TACR1: variants seen among roughly 807,000 people sequenced by gnomAD.
TACR1 encodes substance-P receptor.
In TACR1, 25 loss-of-function variants were observed where a neutral mutation model predicts 35.8. The observed-to-expected ratio is 0.70, with a 90% CI of 0.51 to 0.98. The LOEUF is 0.98. TACR1 is among the 50% of genes least tolerant of loss of function. The pLI is 0.00. For synonymous variants in TACR1, 195 were observed against 206.7 expected (o/e 0.94, Z 0.48); for missense variants, 478 against 522.9 (o/e 0.91, Z 0.84).
At chr2:75,052,558 A>G (rs1391181844) in intron 3 of TACR1, among the ~76,000 whole-genome samples, 4 of 149,938 alleles carry the variant, frequency 2.7e-5, no homozygotes, top group African/African-American at 2.4e-5. Context: ...AGTACCAAAG[A>G]AAAAAAAAAG....
intron 1 of TACR1, among the ~76,000 whole-genome samples, chr2:75,143,247 A>G (rs1450317756): frequency 1.3e-5 from 2 of 152,214 alleles, no homozygotes; most frequent in Non-Finnish European, 2.9e-5. Context: ...TGATACTGCT[A>G]ACAAGTTTGA....
At chr2:75,130,819 A>C (rs1674163558) in intron 1 of TACR1, among the ~76,000 whole-genome samples, 1 of 152,254 alleles carries the variant, frequency 6.6e-6, no homozygotes, top group Non-Finnish European at 1.5e-5. Context: ...AAAGACAATT[A>C]TTTAACCTAT....
intron 1 of TACR1, among the ~76,000 whole-genome samples, chr2:75,161,685 G>C (rs927957666): frequency 6.6e-6 from 1 of 152,032 alleles, no homozygotes; most frequent in East Asian, 1.9e-4. Context: ...ACCTAAAATA[G>C]AAGCAGAAGT....
At chr2:75,071,847 A>G (rs1314137672) in intron 2 of TACR1, among the ~76,000 whole-genome samples, 2 of 152,262 alleles carry the variant, frequency 1.3e-5, no homozygotes, top group Admixed American at 6.5e-5. Context: ...GCTATCTCTC[A>G]TGCCCTTGCC....
In TACR1 at chr2:75,075,709, TAAC is replaced by T. The variant is rs553467644; in HGVS notation, c.585-21957_585-21955del. Among the ~76,000 whole-genome samples the T allele has an allele frequency of 7.9e-5, 12 of 152,228 alleles. No homozygotes were observed. The South Asian group carries it at 1.9e-3, about 24-fold the overall frequency. On this transcript the variant is annotated intron_variant, in intron 2 of 4. Coordinates refer to ENST00000305249, the MANE Select transcript of TACR1 (RefSeq NM_001058.4). ...TAAGAATGTGTTTAAACAGCAACAA[TAAC>T]AACAAGAACAAATTCAGCTAATTGC...
At chr2:75,188,653 A>T (rs917205103) in intron 1 of TACR1, 3 of 152,252 alleles carry the variant, frequency 2.0e-5, no homozygotes, top group Non-Finnish European at 2.9e-5. Flanking sequence ...TGAAAAAGCC[A>T]TAAGGCTCTG....
At chr2:75,106,652 A>G (rs1336687918) in intron 2 of TACR1, among the ~76,000 whole-genome samples, 3 of 152,018 alleles carry the variant, frequency 2.0e-5, no homozygotes, top group Non-Finnish European at 2.9e-5. Flanking sequence ...TGTTATTAAA[A>G]TTATGTCAAT....
intron 2 of TACR1, among the ~76,000 whole-genome samples, chr2:75,076,056 C>T (rs528465322): frequency 2.0e-5 from 3 of 152,308 alleles, no homozygotes; most frequent in South Asian, 2.1e-4. Context: ...CAGGTTTGTG[C>T]TTTGATCTGC....
At chr2:75,097,302 A>T (rs1187463891) in intron 2 of TACR1, among the ~76,000 whole-genome samples, 3 of 152,070 alleles carry the variant, frequency 2.0e-5, no homozygotes, top group Non-Finnish European at 4.4e-5. Context: ...CAATGAAGGA[A>T]CTAGGTGAAA....
At chr2:75,056,443 G>A (rs1263192120) in intron 2 of TACR1, among the ~76,000 whole-genome samples, 2 of 152,298 alleles carry the variant, frequency 1.3e-5, no homozygotes, top group East Asian at 1.9e-4. Context: ...CCCGGAGCCT[G>A]CCGAAGTTAT....
intron 1 of TACR1, among the ~76,000 whole-genome samples, chr2:75,179,102 G>T (rs1572983559): frequency 1.3e-5 from 2 of 152,024 alleles, no homozygotes; most frequent in African/African-American, 4.8e-5. Context: ...AACTTCCTGG[G>T]CCAAAATGAC....
chr2:75,050,009 G>A (rs1672436723), intron 4 of TACR1, among the ~76,000 whole-genome samples: 1 of 152,170 alleles, frequency 6.6e-6, no homozygotes, highest in Non-Finnish European at 1.5e-5. Flanking sequence ...CTCACATGGG[G>A]TCAGCAGACT....
chr2:75,169,116 T>C (rs564060228), intron 1 of TACR1, among the ~76,000 whole-genome samples: 1 of 152,324 alleles, frequency 6.6e-6, no homozygotes, highest in East Asian at 1.9e-4. Flanking sequence ...CTGAAAAGTA[T>C]TATTGTTTTT....
chr2:75,154,401 A>AGCGCGCTCGCGCGCGCGCGCGC lies in TACR1; in HGVS notation c.390-33634_390-33633insGCGCGCGCGCGCGCGAGCGCGC, dbSNP rs142809732. ...TGGCCCAGGGAGATAATCAGCCAAGAGCGCGCACGCACACACACACACACA... is the reference window on the plus strand; with the variant it reads ...TGGCCCAGGGAGATAATCAGCCAAGAGCGCGCTCGCGCGCGCGCGCGCGCGCGCACGCACACACACACACACA... On this transcript the variant is annotated intron_variant, in intron 1 of 4. Coordinates refer to ENST00000305249, the MANE Select transcript of TACR1 (RefSeq NM_001058.4). 2 of 76,444 alleles carry AGCGCGCTCGCGCGCGCGCGCGC rather than the reference A, an allele frequency of 2.6e-5. 1 individual carries two copies. The highest frequency in any genetic ancestry group is 1.2e-4 in the African/African-American group (2 of 17,280). 4.7% of individuals were successfully genotyped at this position (76,444 alleles called of 1,614,324 possible).
At chr2:75,057,164 C>T (rs1235688055) in intron 2 of TACR1, among the ~76,000 whole-genome samples, 3 of 152,202 alleles carry the variant, frequency 2.0e-5, no homozygotes, top group African/African-American at 7.2e-5. Context: ...TGAAGAATCA[C>T]AAAAGAAGTG....
chr2:75,053,431 G>A (rs1672508294), intron 3 of TACR1, among the ~76,000 whole-genome samples, 174 bp downstream of exon 3: 2 of 152,140 alleles, frequency 1.3e-5, no homozygotes, highest in South Asian at 4.1e-4. Flanking sequence ...TGCCTGTCCA[G>A]CCAGATCTGG....
chr2:75,128,776 G>C (rs958323741), intron 1 of TACR1, among the ~76,000 whole-genome samples: 1 of 152,152 alleles, frequency 6.6e-6, no homozygotes, highest in Admixed American at 6.5e-5. Context: ...GAAGCTACTT[G>C]TTAGGTAGCT....
At chr2:75,130,140 A>G (rs1405064585) in intron 1 of TACR1, among the ~76,000 whole-genome samples, 1 of 152,122 alleles carries the variant, frequency 6.6e-6, no homozygotes, top group Non-Finnish European at 1.5e-5. Flanking sequence ...ATTTGTCTTG[A>G]TTACTGAATT....
chr2:75,190,901 T>C (rs1490643459), intron 1 of TACR1, among the ~76,000 whole-genome samples: 3 of 152,124 alleles, frequency 2.0e-5, no homozygotes, highest in Admixed American at 2.0e-4. Flanking sequence ...ATATTAAACA[T>C]AGTGATAAAG....
Sources: allele counts gnomAD v4.1 joint callset (sites outside exome capture counted in the v4.1 genomes callset), GRCh38; gene constraint gnomAD v4.1.1; transcripts MANE v1.5; gene names NCBI Gene and HGNC (gene_info 2026-07-23, HGNC 2026-07-21).